Variants in ZC3H13 observed in about 807,000 individuals in gnomAD.
ZC3H13 encodes the protein zinc finger CCCH domain-containing protein 13.
A neutral mutation model predicts 204.1 loss-of-function variants in ZC3H13; 64 were observed. The observed-to-expected ratio is 0.31, with a 90% CI of 0.26 to 0.39. The LOEUF (loss-of-function observed/expected upper bound fraction) is 0.39. ZC3H13 is among the 10% of genes least tolerant of loss of function. ZC3H13 has a pLI of 1.00. For synonymous variants in ZC3H13, 667 were observed against 693.7 expected (o/e 0.96, Z 0.60); for missense variants, 1,833 against 2,082.7 (o/e 0.88, Z 2.33).
intron 8 of ZC3H13, among the ~76,000 whole-genome samples, chr13:45,992,015 A>T (rs2040005175): frequency 6.6e-6 from 1 of 152,214 alleles, no homozygotes; most frequent in African/African-American, 2.4e-5. Context: ...CTTTCAAAAA[A>T]TGGTTTCTAT....
At chr13:46,018,835 A>T (rs1055975989) in intron 5 of ZC3H13, among the ~76,000 whole-genome samples, 1 of 152,208 alleles carries the variant, frequency 6.6e-6, no homozygotes, top group African/African-American at 2.4e-5. Context: ...ATACATTTTA[A>T]AATGTTTTTT....
At chr13:45,996,635 A>G (rs1413954633) in intron 8 of ZC3H13, among the ~76,000 whole-genome samples, 2 of 152,116 alleles carry the variant, frequency 1.3e-5, no homozygotes, top group Non-Finnish European at 2.9e-5. Flanking sequence ...CTCAGTTATC[A>G]GATTGACTTG....
intron 11 of ZC3H13, among the ~76,000 whole-genome samples, chr13:45,976,715 G>C (rs563964981): frequency 1.3e-5 from 2 of 152,152 alleles, no homozygotes; most frequent in Non-Finnish European, 2.9e-5. Context: ...AGGATGGCAT[G>C]AACTTTTTCA....
rs1209691941 is a variant in ZC3H13, at chr13:45,989,025, T to A, written c.1017A>T (p.Gly339=). ...SRHHSSSSQS[G]SSIQRHSPSP... ...AAGGAGAATGTCTTTGAATAGATGA[T>A]CCTGATTGTGAGGAAGATGAGTGAT... The change falls in exon 9 of 19, where the codon GGA becomes GGT. Residue 339 remains glycine, a synonymous_variant. Transcript: ENST00000679008. 1 of 1,614,128 alleles carries A rather than the reference T, an allele frequency of 6.2e-7. No individual in the cohort carries two copies. Among genetic ancestry groups the A allele is most frequent in the Non-Finnish European group, 8.5e-7 (1 of 1,180,014 alleles).
chr13:45,990,240 TAC>T (rs2039874524), intron 8 of ZC3H13, among the ~76,000 whole-genome samples: 1 of 152,158 alleles, frequency 6.6e-6, no homozygotes, highest in South Asian at 2.1e-4. Flanking sequence ...AATAAAAAAT[TAC>T]TCCAGACATT....
At chr13:46,000,777 TAA>T (rs1566249712) in intron 8 of ZC3H13, among the ~76,000 whole-genome samples, 1 of 152,244 alleles carries the variant, frequency 6.6e-6, no homozygotes, top group South Asian at 2.1e-4. Flanking sequence ...GCTTGCCACC[TAA>T]GTTTTCAGTA....
At chr13:46,042,362 T>C in intron 3 of ZC3H13, 87 bp from the exon 4 acceptor site, 2 of 858,736 alleles carry the variant, frequency 2.3e-6, no homozygotes, top group Non-Finnish European at 3.5e-6. Flanking sequence ...TTTATAAGAA[T>C]GTATTTACAG....
In ZC3H13 at chr13:45,963,979, C is replaced by T. The variant is rs751282647; in HGVS notation, c.4538G>A (p.Arg1513Gln). 5.0e-6 allele frequency: 8 copies of T among 1,614,128 alleles called. No individual in the cohort carries two copies. The highest frequency in any genetic ancestry group is 1.1e-5 in the South Asian group (1 of 91,088). The change falls in exon 17 of 19, where the codon CGA becomes CAA. Residue 1513 changes from arginine (R) to glutamine (Q), a missense_variant. Transcript: ENST00000679008. ...TTTTAAGAGTGCAGCCCCAGGCTCT[C>T]GTGGTTCTTTTGGATGCTTTGGCAT... ...GLMPKHPKEP[R>Q]EPGAALLKFT... is the part of the protein sequence containing the mutation.
chr13:46,017,717 A>AT (rs983609829), intron 5 of ZC3H13, among the ~76,000 whole-genome samples: 1 of 152,114 alleles, frequency 6.6e-6, no homozygotes, highest in Non-Finnish European at 1.5e-5. Flanking sequence ...AAATATACCA[A>AT]TTTTTTCTGA....
At chr13:46,029,108 C>A (rs368678108) in intron 4 of ZC3H13, among the ~76,000 whole-genome samples, 2 of 151,970 alleles carry the variant, frequency 1.3e-5, no homozygotes, top group African/African-American at 4.8e-5. Context: ...ATAGGAGAAA[C>A]AAAGGTAGGG....
In ZC3H13 at chr13:45,975,823, G is replaced by A. The variant is rs764985345; in HGVS notation, c.1928C>T (p.Ser643Leu). 1.4e-5 allele frequency: 22 copies of A among 1,611,222 alleles called. No homozygotes were observed. The highest frequency in any genetic ancestry group is 2.2e-5 in the East Asian group (1 of 44,824). ...DNRERDQRPSSPIRHQGRNDE... is the reference protein window; with the variant it reads ...DNRERDQRPSLPIRHQGRNDE... ...ATTCCTTCCCTGATGTCGAATTGGT[G>A]AGCTTGGTCTTTGATCTACAATGAA... Residue 643 changes from serine to leucine, a missense_variant, in exon 12 of 19, where the codon TCA becomes TTA. Physicochemically the swap from Ser to Leu is moderately radical, Grantham distance 145 (BLOSUM62 -2). Around this residue, in one of 5 missense-constraint regions of ZC3H13, gnomAD observed 1,574 missense variants for 1,757.2 expected, o/e 0.90. Coordinates refer to ENST00000679008, the MANE Select transcript of ZC3H13 (RefSeq NM_001330564.2).
chr13:46,002,295 G>C lies in ZC3H13; in HGVS notation c.944+844C>G, dbSNP rs368221566. Among the ~76,000 whole-genome samples, 13 of 152,286 alleles carry C rather than the reference G, an allele frequency of 8.5e-5. No individual in the cohort carries two copies. The East Asian group carries it at 2.5e-3, about 29-fold the overall frequency. On this transcript the variant is annotated intron_variant, in intron 8 of 18. Transcript: ENST00000679008. ...TGTTGGTGAAGGTATGGAGAAACTG[G>C]AACACTTGTGTACTGTTGGTGGGAA...
chr13:45,980,036 C>G lies in ZC3H13; in HGVS notation c.1721-32G>C, dbSNP rs1339390352. The stretch of plus-strand genomic sequence containing the variant: ...AAAGGATAGACACACAAATGTTTAC[C>G]ACATACACTTTATTCAACAAATTTC... On this transcript the variant is annotated intron_variant, in intron 10 of 18. Coordinates refer to ENST00000679008, the MANE Select transcript of ZC3H13 (RefSeq NM_001330564.2). 3.9e-6 allele frequency: 6 copies of G among 1,541,220 alleles called. No homozygotes were observed. The African/African-American group carries it at 7.0e-5, about 18-fold the overall frequency.
At chr13:46,006,456 T>C (rs1414043389) in intron 7 of ZC3H13, among the ~76,000 whole-genome samples, 3 of 151,950 alleles carry the variant, frequency 2.0e-5, no homozygotes, top group Non-Finnish European at 4.4e-5. Flanking sequence ...CAAATTGCAC[T>C]AAACTTATAA....
chr13:46,046,554 G>A (rs1381239359), intron 1 of ZC3H13, among the ~76,000 whole-genome samples: 1 of 149,686 alleles, frequency 6.7e-6, no homozygotes, highest in South Asian at 2.1e-4. Context: ...TGTAGTCCCA[G>A]CTACTCTGGA....
intron 4 of ZC3H13, among the ~76,000 whole-genome samples, chr13:46,026,158 G>C (rs1319410966): frequency 6.6e-6 from 1 of 152,048 alleles, no homozygotes. Context: ...GATTATTGGA[G>C]AATCTTTTTA....
Position 46,045,371 on chromosome 13 carries a change from C to CT in ZC3H13, c.117+19dup. 6.3e-7 allele frequency: 1 copy of CT among 1,585,326 alleles called. No individual in the cohort carries two copies. The highest frequency in any genetic ancestry group is 8.7e-7 in the Non-Finnish European group (1 of 1,154,210). On this transcript the variant is annotated intron_variant, in intron 2 of 18. Coordinates refer to ENST00000679008, the MANE Select transcript of ZC3H13 (RefSeq NM_001330564.2). ...TAGAATTCTAAGAGAACCCCTGTGACTATACTAGTGACAACTCACCTCTGC... is the reference window on the plus strand; with the variant it reads ...TAGAATTCTAAGAGAACCCCTGTGACTTATACTAGTGACAACTCACCTCTGC...
At chr13:45,958,212 CT>C (rs1473518354) in intron 18 of ZC3H13, among the ~76,000 whole-genome samples, 3 of 152,184 alleles carry the variant, frequency 2.0e-5, no homozygotes, top group Non-Finnish European at 4.4e-5. Flanking sequence ...TGAATCCCCC[CT>C]ACCCACTACC....
chr13:46,051,718 G>C (rs946379611), intron 1 of ZC3H13, among the ~76,000 whole-genome samples: 9 of 152,032 alleles, frequency 5.9e-5, no homozygotes, highest in Admixed American at 4.6e-4. Context: ...AAAGTAGTTC[G>C]AATTACCTGA....
Sources: allele counts gnomAD v4.1 joint callset (sites outside exome capture counted in the v4.1 genomes callset), GRCh38; gene constraint gnomAD v4.1.1; regional missense constraint gnomAD v4.1.1; transcripts MANE v1.5; gene names NCBI Gene and HGNC (gene_info 2026-07-23, HGNC 2026-07-21).